Variants in ACTR3C observed in about 807,000 individuals in gnomAD.
The protein encoded by ACTR3C is actin-related protein 3C.
In ACTR3C, 18 loss-of-function variants were observed where a neutral mutation model predicts 26.3. That is an observed-to-expected ratio of 0.68 (90% confidence interval 0.47 to 1.01). The LOEUF (loss-of-function observed/expected upper bound fraction) is 1.01. ACTR3C is among the 50% of genes least tolerant of loss of function. The pLI, the probability that ACTR3C is intolerant of heterozygous loss-of-function variation, is 0.00. For synonymous variants in ACTR3C, 55 were observed against 94.5 expected (o/e 0.58, Z 2.42); for missense variants, 184 against 250.7 (o/e 0.73, Z 1.80).
chr7:149,932,513 C>T, the ACTR3C span, among the ~76,000 whole-genome samples: 7 of 152,070 alleles, frequency 4.6e-5, no homozygotes, highest in Non-Finnish European at 7.4e-5. Flanking sequence ...GTAAAACAAA[C>T]GTCATGGTCA....
At chr7:150,130,850 A>G in the ACTR3C span, among the ~76,000 whole-genome samples, 3 of 152,204 alleles carry the variant, frequency 2.0e-5, no homozygotes, top group Admixed American at 2.0e-4. Context: ...ATGAATCTTG[A>G]AGGTACTATA....
the ACTR3C span, among the ~76,000 whole-genome samples, chr7:150,149,843 T>A: frequency 6.6e-6 from 1 of 152,218 alleles, no homozygotes; most frequent in Non-Finnish European, 1.5e-5. Flanking sequence ...TTTATATATT[T>A]GCAAAAAGCT....
At chr7:150,237,968 G>A in the ACTR3C span, among the ~76,000 whole-genome samples, 4 of 149,372 alleles carry the variant, frequency 2.7e-5, no homozygotes, top group Non-Finnish European at 5.9e-5. Flanking sequence ...TGAAGAACAA[G>A]GACTAATACA....
chr7:150,062,482 G>A, the ACTR3C span, among the ~76,000 whole-genome samples: 8 of 149,194 alleles, frequency 5.4e-5, no homozygotes, highest in African/African-American at 1.8e-4. Flanking sequence ...TGTTTGTCAC[G>A]GTGCCTGGAA....
At chr7:150,099,911 G>T in the ACTR3C span, among the ~76,000 whole-genome samples, 1 of 151,742 alleles carries the variant, frequency 6.6e-6, no homozygotes, top group Admixed American at 6.6e-5. Flanking sequence ...TAGTCATAGA[G>T]TGCTGTTTGG....
the ACTR3C span, among the ~76,000 whole-genome samples, chr7:149,949,420 AAGG>A: frequency 1.4e-5 from 2 of 146,192 alleles, no homozygotes; most frequent in Non-Finnish European, 2.9e-5. Flanking sequence ...GGAAGGAAGG[AAGG>A]AAGGAAATGA....
At chr7:149,983,139 A>C in the ACTR3C span, among the ~76,000 whole-genome samples, 23 of 152,198 alleles carry the variant, frequency 1.5e-4, no homozygotes, top group East Asian at 4.1e-3. Context: ...TTAAAGACTT[A>C]AACATAACAC....
At chr7:150,271,236 C>T (rs373358177) in intron 6 of ACTR3C, among the ~76,000 whole-genome samples, 8,936 of 140,134 alleles carry the variant, frequency 0.064, 401 homozygotes, top group African/African-American at 0.11. Flanking sequence ...ATGTGCAGAA[C>T]GTGCAGGTTT....
the ACTR3C span, among the ~76,000 whole-genome samples, chr7:150,088,738 T>C: frequency 2.6e-5 from 4 of 152,206 alleles, no homozygotes; most frequent in African/African-American, 7.2e-5. Context: ...GGAATCACTA[T>C]TACAGGTCTT....
chr7:150,029,533 C>T, the ACTR3C span, among the ~76,000 whole-genome samples: 1 of 151,982 alleles, frequency 6.6e-6, no homozygotes, highest in African/African-American at 2.4e-5. Flanking sequence ...TACCACTACA[C>T]TGCAGCCTGG....
At chr7:150,011,304 T>C in the ACTR3C span, among the ~76,000 whole-genome samples, 1 of 151,990 alleles carries the variant, frequency 6.6e-6, no homozygotes, top group East Asian at 2.0e-4. Context: ...AAATAAATGC[T>C]GGCTGGGTGC....
At chr7:149,946,289 G>A in the ACTR3C span, among the ~76,000 whole-genome samples, 1 of 152,196 alleles carries the variant, frequency 6.6e-6, no homozygotes, top group Non-Finnish European at 1.5e-5. Context: ...CCCTCGTGCT[G>A]AGACCATAAG....
the ACTR3C span, among the ~76,000 whole-genome samples, chr7:150,037,042 T>G: frequency 1.0e-5 from 1 of 100,400 alleles, no homozygotes; most frequent in African/African-American, 3.6e-5. Flanking sequence ...GAAGAGGGGA[T>G]AGCTCTCAGT....
At chr7:149,989,763 C>T in the ACTR3C span, among the ~76,000 whole-genome samples, 1 of 152,178 alleles carries the variant, frequency 6.6e-6, no homozygotes, top group African/African-American at 2.4e-5. Context: ...GTCTCTTTGA[C>T]AAGCTGATTT....
Position 150,274,704 on chromosome 7 carries a change from G to A in ACTR3C, c.564+10049C>T, listed in dbSNP as rs1265469413. Among the ~76,000 whole-genome samples the A allele has an allele frequency of 6.6e-6, 1 of 152,214 alleles. No homozygotes were observed. The highest frequency in any genetic ancestry group is 1.5e-5 in the Non-Finnish European group (1 of 68,032). On this transcript the variant is annotated intron_variant, in intron 6 of 7. Coordinates refer to ENST00000683684, the MANE Select transcript of ACTR3C (RefSeq NM_001164458.2). The surrounding 1 kb of genome is among the most constrained non-coding windows in gnomAD (Gnocchi z 4.1). Reference sequence around the variant, plus strand: ...GATGCTAGGAAGCGGCTCAGCCCACGTGGAGACCCACGCAGCTTGGCCCTG... The same window carrying A: ...GATGCTAGGAAGCGGCTCAGCCCACATGGAGACCCACGCAGCTTGGCCCTG...
chr7:150,118,505 T>C, the ACTR3C span, among the ~76,000 whole-genome samples: 47 of 146,080 alleles, frequency 3.2e-4, no homozygotes, highest in Non-Finnish European at 5.8e-4. Flanking sequence ...ATCAACTTAA[T>C]GAAATAAAGA....
the ACTR3C span, among the ~76,000 whole-genome samples, chr7:150,055,152 C>T: frequency 0.46 from 70,062 of 152,070 alleles, 16,372 homozygotes; most frequent in East Asian, 0.62. Context: ...TGTTTCTGGA[C>T]CAACAGTGAA....
At chr7:150,185,277 GTGT>G in the ACTR3C span, among the ~76,000 whole-genome samples, 18 of 3,106 alleles carry the variant, frequency 5.8e-3, no homozygotes, top group African/African-American at 0.023. Flanking sequence ...AATGTCAGGC[GTGT>G]GTGTGTGTGT....
the ACTR3C span, among the ~76,000 whole-genome samples, chr7:150,055,588 C>T: frequency 1.1e-4 from 17 of 151,036 alleles, no homozygotes; most frequent in South Asian, 2.9e-3. Flanking sequence ...GAAGCTGTTT[C>T]GCCCTTGAAC....
Sources: gnomAD v4.1 joint callset for allele counts (sites outside exome capture counted in the v4.1 genomes callset) on GRCh38, gnomAD v4.1.1 for gene constraint, Gnocchi (gnomAD v3.1) non-coding constraint, MANE v1.5 for transcripts, NCBI Gene and HGNC (gene_info 2026-07-23, HGNC 2026-07-21) for gene names.